The following PRDM10 variants were observed in gnomAD, a reference collection of about 807,000 sequenced individuals.
PRDM10 encodes PR domain zinc finger protein 10.
Under a neutral mutation model 133.1 loss-of-function variants are expected in PRDM10, and 65 were observed. That is an observed-to-expected ratio of 0.49 (90% confidence interval 0.40 to 0.60). The LOEUF (loss-of-function observed/expected upper bound fraction) is 0.60, where lower values mean the gene tolerates loss of function less well. PRDM10 is among the 20% of genes least tolerant of loss of function. PRDM10 has a pLI of 0.00. For missense variants in PRDM10, 1,137 were observed against 1,507.1 expected, an observed-to-expected ratio of 0.75 and a Z score of 4.07; for synonymous variants, 582 against 580.4, an observed-to-expected ratio of 1.00 and a Z score of -0.04.
rs1421159701 is a variant in PRDM10 at position 129,923,213 on chromosome 11, C to T, written c.2034+35G>A. 2 of 1,528,636 alleles carry T rather than the reference C, an allele frequency of 1.3e-6. No individual in the cohort carries two copies. The highest frequency in any genetic ancestry group is 1.4e-5 in the African/African-American group (1 of 72,488). 94.7% of individuals were successfully genotyped at this position (1,528,636 alleles called of 1,614,324 possible). On this transcript the variant is annotated intron_variant, in intron 13 of 20. Transcript: ENST00000360871. This position sits in a 1 kb window ranked among gnomAD's most constrained non-coding sequence, Gnocchi z 4.4. ...CAGCTTGCTATAATTCCAGTGGCCA[C>T]GAGAACCACCTTGGGCTGTGCCTTG... is the stretch of plus-strand genomic sequence containing the variant.
chr11:129,916,114 A>G (rs1360463178), intron 15 of PRDM10, among the ~76,000 whole-genome samples: 1 of 152,162 alleles, frequency 6.6e-6, no homozygotes, highest in Non-Finnish European at 1.5e-5. Context: ...CTGTGAAAAT[A>G]CCCTTTATCC....
intron 1 of PRDM10, among the ~76,000 whole-genome samples, chr11:129,985,891 T>C (rs996008628): frequency 2.0e-5 from 3 of 147,224 alleles, no homozygotes; most frequent in African/African-American, 7.5e-5. Flanking sequence ...ACCCAAGGTA[T>C]AGATCTTGAG....
rs1591574704 is a variant in PRDM10 at position 129,910,556 on chromosome 11, T to A, written c.3083A>T (p.Gln1028Leu). 1.9e-6 allele frequency: 3 copies of A among 1,613,784 alleles called. No individual in the cohort carries two copies. The East Asian group carries it at 6.7e-5, about 36-fold the overall frequency. The stretch of plus-strand genomic sequence containing the variant: ...ATTCTGCTGCTGCTGCTGCTGCTGC[T>A]GCAGAGCCTGCCCCTGTGTGGAAGA... The part of the protein sequence containing the change: ...GSSSTQGQAL[Q>L]QQQQQQQNSS... Residue 1028 changes from glutamine to leucine, a missense_variant, in exon 19 of 21, where the codon CAG becomes CTG. By Grantham distance (113) the Gln-to-Leu change is moderately radical. This residue lies in a region of PRDM10 where 243 missense variants were observed against 259.2 expected (regional missense o/e 0.94). Coordinates refer to ENST00000360871, the MANE Select transcript of PRDM10 (RefSeq NM_199437.2).
At chr11:129,983,772 A>G (rs1446189991) in intron 1 of PRDM10, among the ~76,000 whole-genome samples, 1 of 151,218 alleles carries the variant, frequency 6.6e-6, no homozygotes, top group African/African-American at 2.5e-5. Flanking sequence ...TAAGTATGGC[A>G]CTAGACTAAA....
rs1399031401 is a variant in PRDM10, at chr11:129,947,144, C to T, written c.520+1G>A. ...TGGGGGAGACCCGTGCCCACACTTA[C>T]ACAAGTCGTGTGGGTCGAAGGGCCG... On this transcript the variant is annotated splice_donor_variant, in intron 5 of 20. Coordinates refer to ENST00000360871, the MANE Select transcript of PRDM10 (RefSeq NM_199437.2). LOFTEE classifies it high-confidence loss of function. The surrounding 1 kb of genome is among the most constrained non-coding windows in gnomAD (Gnocchi z 4.6). 1 of 1,613,966 alleles carries T rather than the reference C, an allele frequency of 6.2e-7. No homozygotes were observed. Among genetic ancestry groups the T allele is most frequent in the Non-Finnish European group, 8.5e-7 (1 of 1,179,910 alleles).
intron 6 of PRDM10, among the ~76,000 whole-genome samples, chr11:129,944,395 C>CCATCCTGGTTAA (rs373627728): frequency 6.6e-6 from 1 of 151,342 alleles, no homozygotes. Flanking sequence ...GAGATCGAGA[C>CCATCCTGGTTAA]CACGGTGAAA....
chr11:129,912,769 TAGTC>T (rs934958653), intron 17 of PRDM10, among the ~76,000 whole-genome samples: 12 of 113,002 alleles, frequency 1.1e-4, no homozygotes, highest in African/African-American at 2.4e-4. Flanking sequence ...AAAAAAAAAT[TAGTC>T]AGGCAGCAGG....
In PRDM10 at chr11:129,985,794, AAAAAAAAAAAAAAAAATATATATATAT is replaced by A. The variant is rs1313820628; in HGVS notation, c.-119+16901_-119+16927del. Among the ~76,000 whole-genome samples the A allele has an allele frequency of 1.0e-3, 130 of 126,006 alleles. 1 individual carries two copies. The highest frequency in any genetic ancestry group is 4.7e-3 in the African/African-American group (129 of 27,666). 82.7% of individuals were successfully genotyped at this position (126,006 alleles called of 152,430 possible). On this transcript the variant is annotated intron_variant, in intron 1 of 20. Transcript: ENST00000360871. ...CAAACCCTGTCCAAAAAAAAAAAAA[AAAAAAAAAAAAAAAAATATATATATAT>A]ATATATATATATGTATATATAGTAA... is the stretch of plus-strand genomic sequence containing the variant.
chr11:129,983,879 T>C (rs1296251934), intron 1 of PRDM10, among the ~76,000 whole-genome samples: 1 of 152,158 alleles, frequency 6.6e-6, no homozygotes, highest in Non-Finnish European at 1.5e-5. Context: ...TGTTCCCTCC[T>C]GTGACCACTG....
At chr11:129,948,046 T>G (rs1481395504) in intron 4 of PRDM10, 1 of 456,486 alleles carries the variant, frequency 2.2e-6, no homozygotes, top group Admixed American at 2.4e-5. Context: ...CAGGCTGAGG[T>G]TTTTAAGTAA....
At chr11:129,981,835 G>T (rs1017113695) in intron 1 of PRDM10, among the ~76,000 whole-genome samples, 1 of 152,092 alleles carries the variant, frequency 6.6e-6, no homozygotes, top group African/African-American at 2.4e-5. Context: ...GGTGAAGGTT[G>T]CAGTGAGCCG....
In PRDM10 at chr11:129,937,594, C is replaced by A. The variant is rs1008484584; in HGVS notation, c.1039+4G>T. 1 of 1,612,378 alleles carries A rather than the reference C, an allele frequency of 6.2e-7. No homozygotes were observed. The highest frequency in any genetic ancestry group is 2.2e-5 in the East Asian group (1 of 44,848). ...GAAAATGTAAAACATAAACGTCTAA[C>A]CACCTTTCCTTTCTTCCTCAGAAAT... On this transcript the variant is annotated splice_donor_region_variant and intron_variant, in intron 8 of 20. Coordinates refer to ENST00000360871, the MANE Select transcript of PRDM10 (RefSeq NM_199437.2).
intron 19 of PRDM10, 36 bp downstream of exon 19, chr11:129,910,440 C>G: frequency 6.2e-7 from 1 of 1,612,030 alleles, no homozygotes; most frequent in South Asian, 1.1e-5. Flanking sequence ...AGATCCCCCA[C>G]CCCTGACCGA....
intron 1 of PRDM10, among the ~76,000 whole-genome samples, chr11:129,986,100 G>A (rs139949060): frequency 4.0e-5 from 6 of 151,366 alleles, no homozygotes; most frequent in African/African-American, 4.9e-5. Context: ...TCTCCTCCTC[G>A]CCCTGTGCCT....
At chr11:130,002,647 A>G (rs1939494202) in intron 1 of PRDM10, 75 bp downstream of exon 1, 1 of 153,108 alleles carries the variant, frequency 6.5e-6, no homozygotes, top group Admixed American at 6.5e-5. Flanking sequence ...CTAAGCAAAG[A>G]CGAAACACCC....
At chr11:129,955,093 T>C (rs1269646884) in intron 4 of PRDM10, among the ~76,000 whole-genome samples, 1 of 152,220 alleles carries the variant, frequency 6.6e-6, no homozygotes, top group Admixed American at 6.5e-5. Flanking sequence ...AGAACTCAAA[T>C]TTTTAGAAGC....
At chr11:129,931,462 C>G (rs1950854515) in intron 10 of PRDM10, among the ~76,000 whole-genome samples, 1 of 152,174 alleles carries the variant, frequency 6.6e-6, no homozygotes, top group African/African-American at 2.4e-5. Context: ...AGACTGTGAT[C>G]TGACTTTTCT....
chr11:129,957,641 C>T lies in PRDM10; in HGVS notation c.234+105G>A, dbSNP rs575825253. On this transcript the variant is annotated intron_variant, in intron 3 of 20. Transcript: ENST00000360871. ...TGAGAGCACAGATCTTATCTGAATA[C>T]GTACTGCATCACCAGTACCTAGCAC... is the stretch of plus-strand genomic sequence containing the variant. The T allele has an allele frequency of 9.5e-4, 1,272 of 1,341,062 alleles. 2 individuals carry two copies. The highest frequency in any genetic ancestry group is 1.8e-3 in the Middle Eastern group (9 of 5,058). 83.1% of individuals were successfully genotyped at this position (1,341,062 alleles called of 1,614,324 possible). A position where few individuals can be genotyped will look rare whatever the true frequency, so the allele number is the denominator to read the frequency against.
intron 1 of PRDM10, among the ~76,000 whole-genome samples, chr11:129,999,148 GAA>G (rs1939212303): frequency 6.6e-6 from 1 of 152,032 alleles, no homozygotes; most frequent in Non-Finnish European, 1.5e-5. Flanking sequence ...GAATAAAAAA[GAA>G]AAGAGGCCAG....
Sources: gnomAD v4.1 joint callset for allele counts (sites outside exome capture counted in the v4.1 genomes callset) on GRCh38, gnomAD v4.1.1 for gene constraint, gnomAD v4.1.1 regional missense constraint, Gnocchi (gnomAD v3.1) non-coding constraint, MANE v1.5 for transcripts, NCBI Gene and HGNC (gene_info 2026-07-23, HGNC 2026-07-21) for gene names.